PDE4B: variants seen among roughly 807,000 people sequenced by gnomAD.
The protein encoded by PDE4B is phosphodiesterase 4B.
PDE4B carries 20 observed loss-of-function variants against 82.2 expected under a neutral mutation model. The observed-to-expected ratio is 0.24, with a 90% CI of 0.17 to 0.35. PDE4B has a LOEUF of 0.35. Ranked by LOEUF, PDE4B falls within the 10% of genes least tolerant of loss-of-function variation. The pLI is 1.00. For synonymous variants in PDE4B, 320 were observed against 318.9 expected (o/e 1.00, Z -0.04); for missense variants, 655 against 907.2 (o/e 0.72, Z 3.57).
At chr1:66,114,632 AT>A (rs139293880) in intron 3 of PDE4B, among the ~76,000 whole-genome samples, 2,140 of 132,338 alleles carry the variant, frequency 0.016, 21 homozygotes, top group African/African-American at 0.052. Flanking sequence ...GTAGCCCACA[AT>A]TTTTTTTTTT....
At chr1:65,891,196 C>A (rs748492321) in intron 1 of PDE4B, among the ~76,000 whole-genome samples, 1 of 151,998 alleles carries the variant, frequency 6.6e-6, no homozygotes, top group Non-Finnish European at 1.5e-5. Flanking sequence ...CCCTTGAGAC[C>A]AGAAACTTCT....
intron 3 of PDE4B, among the ~76,000 whole-genome samples, chr1:65,967,089 T>G (rs373288196): frequency 6.6e-6 from 1 of 150,918 alleles, no homozygotes; most frequent in African/African-American, 2.4e-5. Flanking sequence ...CTATCATCAG[T>G]GTGAACAGGC....
intron 3 of PDE4B, among the ~76,000 whole-genome samples, chr1:66,129,818 T>C (rs1435001873): frequency 6.6e-6 from 1 of 152,166 alleles, no homozygotes; most frequent in Admixed American, 6.5e-5. Context: ...ATGGGAACTA[T>C]TCCATAAAAA....
At position 66,275,032 on chromosome 1, in the gene PDE4B, TG is replaced by T. The variant is rs961502167; in HGVS notation, c.634+8948del. Among the ~76,000 whole-genome samples the T allele has an allele frequency of 1.6e-4, 24 of 152,112 alleles. 1 individual carries two copies. The highest frequency in any genetic ancestry group is 5.9e-5 in the Non-Finnish European group (4 of 68,012). On this transcript the variant is annotated intron_variant, in intron 7 of 16. Coordinates refer to ENST00000341517, the MANE Select transcript of PDE4B (RefSeq NM_002600.4). ...AAGGTAGAGTTCTCCAGCTCATACA[TG>T]GGAAAGCTGAAAAGTCAGGAGGGAG... is the stretch of plus-strand genomic sequence containing the variant.
chr1:66,103,368 T>G (rs1645264564), intron 3 of PDE4B, among the ~76,000 whole-genome samples: 2 of 152,126 alleles, frequency 1.3e-5, no homozygotes, highest in African/African-American at 2.4e-5. Flanking sequence ...TCCTTTTCCT[T>G]TCTTCAGATT....
At chr1:65,808,511 G>C (rs1383009017) in intron 1 of PDE4B, among the ~76,000 whole-genome samples, 1 of 152,236 alleles carries the variant, frequency 6.6e-6, no homozygotes, top group Non-Finnish European at 1.5e-5. Flanking sequence ...ATAAGGCATA[G>C]TGAGGGAATA....
chr1:66,361,049 T>C (rs1196432202), intron 9 of PDE4B, among the ~76,000 whole-genome samples: 1 of 152,312 alleles, frequency 6.6e-6, no homozygotes, highest in East Asian at 1.9e-4. Flanking sequence ...TGTTTGAGGA[T>C]TATGAACCAT....
At chr1:66,137,812 C>A (rs1646088663) in intron 3 of PDE4B, among the ~76,000 whole-genome samples, 1 of 152,118 alleles carries the variant, frequency 6.6e-6, no homozygotes, top group South Asian at 2.1e-4. Flanking sequence ...TTTTTATAAC[C>A]AAACTTTAAC....
At chr1:65,827,874 T>C (rs1557767312) in intron 1 of PDE4B, among the ~76,000 whole-genome samples, 1 of 151,990 alleles carries the variant, frequency 6.6e-6, no homozygotes, top group African/African-American at 2.4e-5. Context: ...GAAAACCAAA[T>C]ACAAAGGGAA....
intron 3 of PDE4B, among the ~76,000 whole-genome samples, chr1:65,993,323 T>C (rs1651354227): frequency 6.6e-6 from 1 of 152,232 alleles, no homozygotes; most frequent in Non-Finnish European, 1.5e-5. Flanking sequence ...AAATTGTCAT[T>C]GTGCTACTAG....
intron 16 of PDE4B, 61 bp from the exon 17 acceptor site, chr1:66,372,252 A>T: frequency 6.6e-7 from 1 of 1,506,620 alleles, no homozygotes; most frequent in South Asian, 1.3e-5. Flanking sequence ...GAAACCAGGA[A>T]ACCTTGTTTA....
At chr1:66,140,111 CT>C (rs1404796445) in intron 3 of PDE4B, among the ~76,000 whole-genome samples, 5 of 151,344 alleles carry the variant, frequency 3.3e-5, no homozygotes, top group African/African-American at 7.3e-5. Flanking sequence ...AAAGAGGGAC[CT>C]TTTTTTTTCC....
intron 4 of PDE4B, among the ~76,000 whole-genome samples, chr1:66,250,347 T>C (rs1376441747): frequency 6.6e-6 from 1 of 152,192 alleles, no homozygotes; most frequent in Non-Finnish European, 1.5e-5. Context: ...GAATTTTTTA[T>C]GAATGGTGGA....
intron 3 of PDE4B, among the ~76,000 whole-genome samples, chr1:66,134,523 G>C (rs1646016650): frequency 6.6e-6 from 1 of 152,126 alleles, no homozygotes; most frequent in African/African-American, 2.4e-5. Context: ...GCGTCCAAAG[G>C]GTACCATTGT....
intron 1 of PDE4B, among the ~76,000 whole-genome samples, chr1:65,865,311 G>A (rs1315761927): frequency 6.6e-6 from 1 of 152,032 alleles, no homozygotes; most frequent in Non-Finnish European, 1.5e-5. Context: ...TTAGCTAGAT[G>A]GGCTCTGTGG....
chr1:66,301,290 C>T (rs1453198645), intron 7 of PDE4B, among the ~76,000 whole-genome samples: 2 of 152,124 alleles, frequency 1.3e-5, no homozygotes, highest in African/African-American at 4.8e-5. Context: ...AAGTATTTTC[C>T]AAGGGCCTCC....
At chr1:65,829,460 C>T (rs1406675722) in intron 1 of PDE4B, among the ~76,000 whole-genome samples, 2 of 152,074 alleles carry the variant, frequency 1.3e-5, no homozygotes, top group South Asian at 2.1e-4. Context: ...TGTATTTGAC[C>T]TTTATAGAGC....
chr1:66,258,687 C>T (rs947711381), intron 6 of PDE4B, among the ~76,000 whole-genome samples: 2 of 152,170 alleles, frequency 1.3e-5, no homozygotes, highest in African/African-American at 4.8e-5. Context: ...GTTAGAGACA[C>T]AGCAGGGCCA....
At chr1:66,370,701 C>T (rs1031347556) in intron 16 of PDE4B, among the ~76,000 whole-genome samples, 3 of 152,150 alleles carry the variant, frequency 2.0e-5, no homozygotes, top group African/African-American at 4.8e-5. Context: ...CTTTCAAAAA[C>T]ATTCTCAGCA....
Sources: gnomAD v4.1 joint callset for allele counts (sites outside exome capture counted in the v4.1 genomes callset) on GRCh38, gnomAD v4.1.1 for gene constraint, MANE v1.5 for transcripts, NCBI Gene and HGNC (gene_info 2026-07-23, HGNC 2026-07-21) for gene names.